MKLN1: variants seen among roughly 807,000 people sequenced by gnomAD.
MKLN1 encodes muskelin.
MKLN1 carries 18 observed loss-of-function variants against 99.0 expected under a neutral mutation model. That is an observed-to-expected ratio of 0.18 (90% confidence interval 0.13 to 0.27). The LOEUF (loss-of-function observed/expected upper bound fraction) is 0.27, where lower values mean the gene tolerates loss of function less well. MKLN1 is among the 10% of genes least tolerant of loss of function. The pLI is 1.00. For missense variants in MKLN1, 621 were observed against 875.9 expected (o/e 0.71, Z 3.67); for synonymous variants, 288 against 293.2 (o/e 0.98, Z 0.18).
intron 1 of MKLN1, among the ~76,000 whole-genome samples, chr7:131,133,401 C>T (rs191002852): frequency 8.1e-6 from 1 of 123,038 alleles, no homozygotes; most frequent in Admixed American, 1.1e-4. Flanking sequence ...GTCTCCCAGG[C>T]TGGAGTGCAG....
intron 1 of MKLN1, among the ~76,000 whole-genome samples, chr7:131,339,949 C>T (rs1196757849): frequency 6.6e-6 from 1 of 151,534 alleles, no homozygotes; most frequent in Admixed American, 6.6e-5. Context: ...TGGCCAGTAT[C>T]ACCTATGTAT....
At chr7:131,133,341 C>T (rs1300745186) in intron 1 of MKLN1, among the ~76,000 whole-genome samples, 27 of 118,976 alleles carry the variant, frequency 2.3e-4, no homozygotes, top group Admixed American at 2.8e-4. Context: ...TTTTTTTTTT[C>T]TTTCTTTCTT....
At chr7:131,311,734 A>C (rs1798567392) in intron 3 of MKLN1, among the ~76,000 whole-genome samples, 1 of 152,314 alleles carries the variant, frequency 6.6e-6, no homozygotes, top group Non-Finnish European at 1.5e-5. Flanking sequence ...CAAAAAGCAA[A>C]ACCCTTTACT....
intron 5 of MKLN1, among the ~76,000 whole-genome samples, chr7:131,398,694 A>G (rs1015693711): frequency 6.6e-6 from 1 of 150,662 alleles, no homozygotes; most frequent in South Asian, 2.2e-4. Context: ...CTGTCTCAAA[A>G]AAAGAAAGAA....
intron 1 of MKLN1, among the ~76,000 whole-genome samples, chr7:131,335,034 G>A (rs1434452547): frequency 1.3e-5 from 2 of 152,174 alleles, no homozygotes; most frequent in Non-Finnish European, 2.9e-5. Flanking sequence ...CCCAGGGCTT[G>A]TTTTGTGAAT....
At chr7:131,196,742 C>T (rs1796651446) in intron 2 of MKLN1, among the ~76,000 whole-genome samples, 1 of 152,192 alleles carries the variant, frequency 6.6e-6, no homozygotes, top group Non-Finnish European at 1.5e-5. Flanking sequence ...CTCCTTCTAG[C>T]TTGCTCTGTA....
chr7:131,473,019 G>T (rs1796870381), intron 16 of MKLN1, among the ~76,000 whole-genome samples: 1 of 149,078 alleles, frequency 6.7e-6, no homozygotes, highest in Non-Finnish European at 1.5e-5. Flanking sequence ...TGCTCTTAAA[G>T]AACAGAAAAT....
intron 2 of MKLN1, among the ~76,000 whole-genome samples, chr7:131,155,741 C>T (rs573603583): frequency 1.2e-4 from 18 of 152,190 alleles, no homozygotes; most frequent in Non-Finnish European, 2.4e-4. Flanking sequence ...CTTTAGAAAA[C>T]GAAGACAAAG....
intron 3 of MKLN1, among the ~76,000 whole-genome samples, chr7:131,308,155 T>C (rs1382957854): frequency 6.6e-6 from 1 of 152,194 alleles, no homozygotes; most frequent in Non-Finnish European, 1.5e-5. Context: ...TACTTGCTTC[T>C]CCTTTGCCTT....
chr7:131,353,762 T>C (rs1799787203), intron 1 of MKLN1, among the ~76,000 whole-genome samples: 1 of 151,932 alleles, frequency 6.6e-6, no homozygotes, highest in African/African-American at 2.4e-5. Flanking sequence ...TTTTACATTT[T>C]CATTCATGAT....
chr7:131,232,578 T>C (rs894244441), intron 3 of MKLN1, among the ~76,000 whole-genome samples: 2 of 152,232 alleles, frequency 1.3e-5, no homozygotes, highest in Non-Finnish European at 2.9e-5. Flanking sequence ...TGACATCCAA[T>C]GATTAACTGA....
In MKLN1 at chr7:131,494,870, A is replaced by G. The variant is rs1466109667; in HGVS notation, c.*7142A>G. 6.6e-6 allele frequency: 1 copy of G among 152,184 alleles called. No individual in the cohort carries two copies. Among genetic ancestry groups the G allele is most frequent in the Non-Finnish European group, 1.5e-5 (1 of 68,022 alleles). 9.4% of individuals were successfully genotyped at this position (152,184 alleles called of 1,614,324 possible). A position where few individuals can be genotyped will look rare whatever the true frequency, so the allele number is the denominator to read the frequency against. On this transcript the variant is annotated 3_prime_UTR_variant, in exon 18 of 18. Coordinates refer to ENST00000352689, the MANE Select transcript of MKLN1 (RefSeq NM_013255.5). The stretch of plus-strand genomic sequence containing the variant: ...AATTTAGAGTTGAAAATAATGTAAC[A>G]TTTTCCTGTGAACAGATTCCTTTAT...
At chr7:131,467,196 T>C (rs754141770) in intron 15 of MKLN1, among the ~76,000 whole-genome samples, 5 of 152,184 alleles carry the variant, frequency 3.3e-5, no homozygotes, top group Non-Finnish European at 7.3e-5. Flanking sequence ...TATATTATTC[T>C]GTGACAGAGC....
At chr7:131,192,087 TATATATA>T (rs1796554738) in intron 2 of MKLN1, among the ~76,000 whole-genome samples, 1 of 75,574 alleles carries the variant, frequency 1.3e-5, no homozygotes, top group African/African-American at 6.2e-5. Flanking sequence ...ACATATATAT[TATATATA>T]TATGTATATA....
chr7:131,166,737 G>C (rs2116325324), intron 2 of MKLN1, among the ~76,000 whole-genome samples: 1 of 152,294 alleles, frequency 6.6e-6, no homozygotes, highest in South Asian at 2.1e-4. Context: ...CCAGGCTGGA[G>C]TGCAGTGGCA....
intron 3 of MKLN1, among the ~76,000 whole-genome samples, chr7:131,253,223 C>T (rs1294254574): frequency 6.6e-6 from 1 of 152,160 alleles, no homozygotes; most frequent in Non-Finnish European, 1.5e-5. Context: ...CTGTTCCCTC[C>T]CTCCCTGCCC....
At chr7:131,340,931 A>G (rs1799390105) in intron 1 of MKLN1, among the ~76,000 whole-genome samples, 1 of 152,178 alleles carries the variant, frequency 6.6e-6, no homozygotes, top group African/African-American at 2.4e-5. Flanking sequence ...AAAGACTTGT[A>G]ACAGTAGAAA....
chr7:131,342,395 A>G lies in MKLN1; in HGVS notation c.98+14398A>G, dbSNP rs546541558. Reference sequence around the variant, plus strand: ...AAGATACATACCTATCAGTGTACAGACATGTACACACATAGGTACACATAT... The same window carrying G: ...AAGATACATACCTATCAGTGTACAGGCATGTACACACATAGGTACACATAT... On this transcript the variant is annotated intron_variant, in intron 1 of 17. Transcript: ENST00000352689. Among the ~76,000 whole-genome samples, 598 of 152,350 alleles carry G rather than the reference A, an allele frequency of 3.9e-3. 8 individuals carry two copies. The highest frequency in any genetic ancestry group is 0.02 in the Middle Eastern group (6 of 294).
chr7:131,238,013 G>T (rs1183758005), intron 3 of MKLN1, among the ~76,000 whole-genome samples: 2 of 152,230 alleles, frequency 1.3e-5, no homozygotes, highest in East Asian at 1.9e-4. Flanking sequence ...TGGGCATGGT[G>T]GTGGGTGCCT....
Sources: gnomAD v4.1 joint callset for allele counts (sites outside exome capture counted in the v4.1 genomes callset) on GRCh38, gnomAD v4.1.1 for gene constraint, MANE v1.5 for transcripts, NCBI Gene and HGNC (gene_info 2026-07-23, HGNC 2026-07-21) for gene names.